Variants in HOXA3 observed in about 807,000 individuals in gnomAD.
HOXA3 encodes the protein homeobox protein Hox-A3.
HOXA3 carries 8 observed loss-of-function variants against 30.3 expected under a neutral mutation model. The ratio of observed to expected loss-of-function variants is 0.26; its 90% CI spans 0.15 to 0.48. HOXA3 has a LOEUF of 0.48. Ranked by LOEUF, HOXA3 falls within the 20% of genes least tolerant of loss-of-function variation. HOXA3 has a pLI of 0.99. For synonymous variants in HOXA3, 323 were observed against 273.1 expected (o/e 1.18, Z -1.80); for missense variants, 653 against 614.4 (o/e 1.06, Z -0.66).
intron 2 of HOXA3, among the ~76,000 whole-genome samples, chr7:27,136,832 C>T (rs1351046594): frequency 1.3e-5 from 2 of 152,212 alleles, no homozygotes; most frequent in Non-Finnish European, 2.9e-5. Flanking sequence ...CCTGGGCAGA[C>T]CTTCAAGTTC....
chr7:27,133,473 C>G (rs992716779), intron 2 of HOXA3, among the ~76,000 whole-genome samples: 1 of 152,210 alleles, frequency 6.6e-6, no homozygotes, highest in Non-Finnish European at 1.5e-5. Flanking sequence ...CCTCACACAC[C>G]AACTGGCTCC....
chr7:27,143,199 T>G, intron 1 of HOXA3: 1 of 1,611,184 alleles, frequency 6.2e-7, no homozygotes, highest in African/African-American at 1.3e-5. Context: ...CTGCTGCTGA[T>G]GTGGGTGCTG....
At position 27,108,675 on chromosome 7, in the gene HOXA3, G is replaced by A. The variant is rs1432196398; in HGVS notation, c.572C>T (p.Ser191Phe). 1 of 1,610,390 alleles carries A rather than the reference G, an allele frequency of 6.2e-7. No homozygotes were observed. Residue 191 changes from serine to phenylalanine, a missense_variant, in exon 6 of 6, where the codon TCC becomes TTC. Transcript: ENST00000612286. The surrounding 1 kb of genome is among the most constrained non-coding windows in gnomAD (Gnocchi z 5.0). The stretch of plus-strand genomic sequence containing the variant: ...CGTGTAGGCCGTGCGCGCGCGCTTG[G>A]ACGAAGCCTGCCCCGGCGGGCTCTT... ...GDKSPPGQAS[S>F]KRARTAYTSA... is the part of the protein sequence containing the mutation.
rs757009297 is a variant in HOXA3, at chr7:27,108,502, C to A, written c.745G>T (p.Asp249Tyr). The A allele has an allele frequency of 6.3e-5, 102 of 1,614,022 alleles. No homozygotes were observed. The highest frequency in any genetic ancestry group is 1.6e-5 in the Non-Finnish European group (19 of 1,180,014). ...FQNRRMKYKK[D>Y]QKGKGMLTSS... ...GTTAGCATGCCCTTGCCCTTCTGATCCTTTTTGTACTTCATGCGGCGATTC... is the reference window on the plus strand; with the variant it reads ...GTTAGCATGCCCTTGCCCTTCTGATACTTTTTGTACTTCATGCGGCGATTC... Residue 249 changes from aspartate (D) to tyrosine (Y), a missense_variant, in exon 6 of 6, where the codon GAT becomes TAT. Around this residue, in one of 3 missense-constraint regions of HOXA3, gnomAD observed 330 missense variants for 274.4 expected, o/e 1.20. Coordinates refer to ENST00000612286, the MANE Select transcript of HOXA3 (RefSeq NM_153631.3). This position sits in a 1 kb window ranked among gnomAD's most constrained non-coding sequence, Gnocchi z 5.0.
chr7:27,120,986 G>A (rs1473901180), intron 4 of HOXA3: 1 of 152,186 alleles, frequency 6.6e-6, no homozygotes, highest in Non-Finnish European at 1.5e-5. Flanking sequence ...TGATACTGTG[G>A]TCCTGGTCAC....
At chr7:27,114,665 G>A (rs1272011511) in intron 4 of HOXA3, among the ~76,000 whole-genome samples, 1 of 145,068 alleles carries the variant, frequency 6.9e-6, no homozygotes, top group Non-Finnish European at 1.5e-5. Context: ...GGGCTCATGT[G>A]CCCATTTCAG....
chr7:27,109,936 G>A (rs1784265353), intron 5 of HOXA3, 179 bp downstream of exon 5: 2 of 696,114 alleles, frequency 2.9e-6, no homozygotes, highest in East Asian at 2.7e-5. Flanking sequence ...CCAGCCTACA[G>A]AGGCCTATCA....
intron 4 of HOXA3, among the ~76,000 whole-genome samples, chr7:27,116,900 G>T (rs901080807): frequency 2.6e-5 from 4 of 152,170 alleles, no homozygotes; most frequent in Admixed American, 2.6e-4. Flanking sequence ...GGGCCCTTTC[G>T]TTCTGGGGTA....
intron 4 of HOXA3, among the ~76,000 whole-genome samples, chr7:27,117,393 C>T (rs1185469948): frequency 2.6e-5 from 4 of 152,142 alleles, no homozygotes; most frequent in African/African-American, 9.7e-5. Flanking sequence ...CTCTGTCTCC[C>T]GAATGTTAGA....
intron 2 of HOXA3, chr7:27,130,121 C>A: frequency 3.1e-6 from 5 of 1,599,846 alleles, no homozygotes; most frequent in Non-Finnish European, 4.3e-6. Context: ...CACGTACCGG[C>A]GCTGACATGG....
intron 2 of HOXA3, among the ~76,000 whole-genome samples, chr7:27,138,642 G>C (rs1328652174): frequency 6.6e-6 from 1 of 152,176 alleles, no homozygotes; most frequent in Non-Finnish European, 1.5e-5. Context: ...ACTGGGCTTG[G>C]GTTTTGCCAT....
chr7:27,132,073 T>C (rs1435081546), intron 2 of HOXA3, among the ~76,000 whole-genome samples: 1 of 152,254 alleles, frequency 6.6e-6, no homozygotes, highest in Non-Finnish European at 1.5e-5. Flanking sequence ...GATGCCTTAT[T>C]TGTGCTGTGT....
intron 1 of HOXA3, among the ~76,000 whole-genome samples, chr7:27,144,230 A>C (rs1458326064): frequency 6.6e-6 from 1 of 152,208 alleles, no homozygotes; most frequent in Non-Finnish European, 1.5e-5. Context: ...TTGAAAATAC[A>C]GATATCACCT....
intron 1 of HOXA3, chr7:27,140,956 G>A (rs1340940687): frequency 6.6e-6 from 1 of 152,162 alleles, no homozygotes; most frequent in African/African-American, 2.4e-5. Context: ...CAGGTCATCT[G>A]CTCAGGTAGC....
chr7:27,130,011 C>G, intron 2 of HOXA3: 1 of 1,302,224 alleles, frequency 7.7e-7, no homozygotes, highest in Non-Finnish European at 1.1e-6. Context: ...GATGGGGGCT[C>G]CCCTCCCGAG....
At chr7:27,133,589 TA>T (rs1785627650) in intron 2 of HOXA3, among the ~76,000 whole-genome samples, 1 of 152,220 alleles carries the variant, frequency 6.6e-6, no homozygotes, top group African/African-American at 2.4e-5. Context: ...AAAGCTTTCT[TA>T]AAATCCCATT....
rs374476269 is a variant in HOXA3 at position 27,129,466 on chromosome 7, G to T, written c.-389-2396C>A. On this transcript the variant is annotated intron_variant, in intron 2 of 5. Transcript: ENST00000612286. Reference sequence around the variant, plus strand: ...GGCGATCTCGATGCGGCGCCGCCGGGTCAGGTATCGATTGAAGTGGAACTC... The same window carrying T: ...GGCGATCTCGATGCGGCGCCGCCGGTTCAGGTATCGATTGAAGTGGAACTC... 2.7e-5 allele frequency: 43 copies of T among 1,614,174 alleles called. 1 individual carries two copies. The African/African-American group carries it at 3.1e-4, about 12-fold the overall frequency.
intron 1 of HOXA3, chr7:27,147,908 C>CG: frequency 1.5e-6 from 1 of 669,018 alleles, no homozygotes; most frequent in Non-Finnish European, 2.5e-6. Context: ...TGGGAGCGAA[C>CG]GCCGGAGCCC....
chr7:27,135,327 T>C (rs1413289518), intron 2 of HOXA3, among the ~76,000 whole-genome samples: 1 of 152,208 alleles, frequency 6.6e-6, no homozygotes, highest in Non-Finnish European at 1.5e-5. Flanking sequence ...TATTCACTTA[T>C]AGCTTGTAGC....
Sources: gnomAD v4.1 joint callset for allele counts (sites outside exome capture counted in the v4.1 genomes callset) on GRCh38, gnomAD v4.1.1 for gene constraint, gnomAD v4.1.1 regional missense constraint, Gnocchi (gnomAD v3.1) non-coding constraint, MANE v1.5 for transcripts, NCBI Gene and HGNC (gene_info 2026-07-23, HGNC 2026-07-21) for gene names.